Variants in PDE4D observed in about 807,000 individuals in gnomAD.
PDE4D encodes phosphodiesterase 4D.
Under a neutral mutation model 87.4 loss-of-function variants are expected in PDE4D, and 24 were observed. The ratio of observed to expected loss-of-function variants is 0.27; its 90% CI spans 0.20 to 0.39. The LOEUF is 0.39. PDE4D is among the 10% of genes least tolerant of loss of function. PDE4D has a pLI of 1.00. For synonymous variants in PDE4D, 384 were observed against 383.2 expected (o/e 1.00, Z -0.02); for missense variants, 714 against 1,041.0 (o/e 0.69, Z 4.32).
chr5:59,272,378 G>T (rs1184178353), intron 1 of PDE4D, among the ~76,000 whole-genome samples: 1 of 151,954 alleles, frequency 6.6e-6, no homozygotes, highest in Non-Finnish European at 1.5e-5. Flanking sequence ...GAATATGTAA[G>T]GTAATATTTT....
chr5:59,238,198 G>A (rs917705005), intron 1 of PDE4D, among the ~76,000 whole-genome samples: 1 of 152,142 alleles, frequency 6.6e-6, no homozygotes, highest in Non-Finnish European at 1.5e-5. Flanking sequence ...TGCCTGGTGT[G>A]TGATAAGTGC....
Position 59,582,147 on chromosome 5 carries a change from G to A in PDE4D, c.455+311021C>T, listed in dbSNP as rs1024827252. Among the ~76,000 whole-genome samples the A allele has an allele frequency of 2.0e-5, 3 of 152,112 alleles. No homozygotes were observed. In the South Asian group the frequency reaches 6.2e-4, roughly 32 times the overall value. On this transcript the variant is annotated intron_variant, in intron 1 of 14. Transcript: ENST00000340635. ...AAGAGATGTTAAAGAAGCAAGGTCA[G>A]CTATTACCTGCAATTTCACTGGAAG...
chr5:59,160,771 C>A (rs942906905), intron 5 of PDE4D, among the ~76,000 whole-genome samples: 2 of 152,052 alleles, frequency 1.3e-5, no homozygotes, highest in East Asian at 3.9e-4. Context: ...GCGTAATATG[C>A]CTGTGATTTC....
At chr5:59,379,857 G>A (rs1222682381) in intron 1 of PDE4D, among the ~76,000 whole-genome samples, 3 of 152,036 alleles carry the variant, frequency 2.0e-5, no homozygotes, top group Non-Finnish European at 4.4e-5. Context: ...TTTAGATTTA[G>A]GGGCTACATG....
intron 1 of PDE4D, chr5:59,703,516 T>A (rs1412264686): frequency 1.9e-6 from 1 of 529,524 alleles, no homozygotes; most frequent in Non-Finnish European, 3.9e-6. Context: ...AAAGGCACCA[T>A]GTAGCTTGTA....
chr5:60,417,562 T>A (rs959954761), intron 1 of PDE4D, among the ~76,000 whole-genome samples: 1 of 152,134 alleles, frequency 6.6e-6, no homozygotes, highest in Non-Finnish European at 1.5e-5. Flanking sequence ...TTATAATAAG[T>A]TGGAACAATA....
intron 1 of PDE4D, among the ~76,000 whole-genome samples, chr5:59,523,093 G>C (rs545940741): frequency 3.7e-4 from 57 of 152,176 alleles, no homozygotes; most frequent in African/African-American, 1.3e-3. Context: ...CATTATTGAT[G>C]GCTCACTATC....
chr5:59,498,761 G>A (rs774660381), intron 1 of PDE4D, among the ~76,000 whole-genome samples: 17 of 152,012 alleles, frequency 1.1e-4, no homozygotes, highest in Admixed American at 2.6e-4. Context: ...TTCAACATTG[G>A]AGGATACATA....
At chr5:60,179,833 G>A (rs1582985015) in intron 2 of PDE4D, among the ~76,000 whole-genome samples, 1 of 152,044 alleles carries the variant, frequency 6.6e-6, no homozygotes, top group African/African-American at 2.4e-5. Flanking sequence ...TTAAAAATAA[G>A]CAGCCATTAT....
At chr5:59,764,843 G>A (rs1328540929) in intron 1 of PDE4D, among the ~76,000 whole-genome samples, 1 of 151,916 alleles carries the variant, frequency 6.6e-6, no homozygotes, top group Non-Finnish European at 1.5e-5. Flanking sequence ...TTTTAGTAGA[G>A]ACGGTGTTTC....
At chr5:59,938,067 C>T (rs1336804815) in intron 3 of PDE4D, among the ~76,000 whole-genome samples, 1 of 152,202 alleles carries the variant, frequency 6.6e-6, no homozygotes, top group African/African-American at 2.4e-5. Flanking sequence ...CATGACTTTT[C>T]CTTTTCCAAA....
chr5:59,043,492 C>A (rs1325117140), intron 5 of PDE4D, among the ~76,000 whole-genome samples: 3 of 152,024 alleles, frequency 2.0e-5, no homozygotes, highest in African/African-American at 7.2e-5. Context: ...CACTGCACTC[C>A]AACCTGGACA....
chr5:59,303,775 C>A lies in PDE4D; in HGVS notation c.456-87807G>T, dbSNP rs914020015. 4.6e-5 allele frequency among the ~76,000 whole-genome samples: 7 copies of A among 152,102 alleles called. No individual in the cohort carries two copies. The South Asian group carries it at 8.3e-4, about 18-fold the overall frequency. Reference sequence around the variant, plus strand: ...TGTCTATTTTTATACCAGTACCATGCCATTTTGGTGACTATGGCCTTATAG... The same window carrying A: ...TGTCTATTTTTATACCAGTACCATGACATTTTGGTGACTATGGCCTTATAG... On this transcript the variant is annotated intron_variant, in intron 1 of 14. Transcript: ENST00000340635.
chr5:59,741,780 T>C (rs139338431), intron 1 of PDE4D, among the ~76,000 whole-genome samples: 2 of 152,250 alleles, frequency 1.3e-5, no homozygotes, highest in African/African-American at 4.8e-5. Flanking sequence ...ATACAGAAGA[T>C]AACAGGAGAA....
chr5:59,113,850 T>C (rs1019689712), intron 5 of PDE4D, among the ~76,000 whole-genome samples: 5 of 152,202 alleles, frequency 3.3e-5, no homozygotes, highest in African/African-American at 4.8e-5. Context: ...GTGAGGATTA[T>C]GCAAAGTCCT....
At chr5:59,564,813 G>A (rs1379368129) in intron 1 of PDE4D, among the ~76,000 whole-genome samples, 1 of 152,186 alleles carries the variant, frequency 6.6e-6, no homozygotes, top group African/African-American at 2.4e-5. Context: ...TGCTACTTGA[G>A]GAGCGATGTT....
upstream of PDE4D, among the ~76,000 whole-genome samples, chr5:59,896,106 C>T (rs1751609766): frequency 6.6e-6 from 1 of 152,158 alleles, no homozygotes; most frequent in South Asian, 2.1e-4. Context: ...TTCCAATCTA[C>T]CACTTCCTAC....
chr5:60,088,466 AAG>A lies in PDE4D; in HGVS notation c.42+97089_42+97090del, dbSNP rs1226964898. On this transcript the variant is annotated intron_variant, in intron 2 of 16. Transcript: ENST00000502484. ...TATTAAATAATCTCAACAATTGATT[AAG>A]AGTTAGGCAATATAAAAATATGTAA... Among the ~76,000 whole-genome samples, 4 of 152,176 alleles carry A rather than the reference AAG, an allele frequency of 2.6e-5. 1 individual carries two copies. Among genetic ancestry groups the A allele is most frequent in the African/African-American group, 9.6e-5 (4 of 41,562 alleles).
In PDE4D at chr5:60,455,454, T is replaced by C. The variant is rs181835977; in HGVS notation, c.-90+32488A>G. The stretch of plus-strand genomic sequence containing the variant: ...AAAATGACATAAATCATTTTCCTGA[T>C]CTTGAAGACTAATGGAGATAGGGAG... On this transcript the variant is annotated intron_variant, in intron 1 of 16. Transcript: ENST00000502484. Among the ~76,000 whole-genome samples the C allele has an allele frequency of 4.7e-3, 713 of 152,216 alleles. 7 individuals are homozygous for C. Among genetic ancestry groups the C allele is most frequent in the African/African-American group, 0.016 (659 of 41,546 alleles).
Sources: gnomAD v4.1 joint callset for allele counts (sites outside exome capture counted in the v4.1 genomes callset) on GRCh38, gnomAD v4.1.1 for gene constraint, MANE v1.5 for transcripts, NCBI Gene and HGNC (gene_info 2026-07-23, HGNC 2026-07-21) for gene names.